The following PTDSS1 variants were observed in gnomAD, a reference collection of about 807,000 sequenced individuals.
PTDSS1 encodes phosphatidylserine synthase 1, also known as PSS-1.
A neutral mutation model predicts 70.5 loss-of-function variants in PTDSS1; 45 were observed. That is an observed-to-expected ratio of 0.64 (90% CI 0.50 to 0.82). The LOEUF (loss-of-function observed/expected upper bound fraction) is 0.82, where lower values mean the gene tolerates loss of function less well. PTDSS1 is among the 40% of genes least tolerant of loss of function. The pLI is 0.00. For missense variants in PTDSS1, 417 were observed against 586.1 expected (o/e 0.71, Z 2.98); for synonymous variants, 188 against 203.8 (o/e 0.92, Z 0.66).
At chr8:96,278,972 C>CTT (rs36085094) in intron 2 of PTDSS1, among the ~76,000 whole-genome samples, 1,960 of 122,608 alleles carry the variant, frequency 0.016, 57 homozygotes, top group African/African-American at 0.019. Context: ...TTCAGCCCCC[C>CTT]TTTTTTTTTT....
rs1811495487 is a variant in PTDSS1 at position 96,330,268 on chromosome 8, G to A, written c.1229G>A (p.Gly410Asp). The A allele has an allele frequency of 1.9e-6, 3 of 1,611,078 alleles. No homozygotes were observed. Among genetic ancestry groups the A allele is most frequent in the Non-Finnish European group, 2.5e-6 (3 of 1,178,086 alleles). ...YGMIWYAEHYGHREKTYSECE... is the reference protein window; with the variant it reads ...YGMIWYAEHYDHREKTYSECE... ...ATGATTTGGTATGCAGAACACTATG[G>A]TCACCGAGAAAAGGTATGGAAGGAG... Residue 410 changes from glycine (G) to aspartate (D), a missense_variant, in exon 11 of 13, where the codon GGT becomes GAT. Gly to Asp is a moderately conservative substitution (Grantham distance 94, BLOSUM62 -1). Transcript: ENST00000517309.
chr8:96,271,975 C>T (rs1810573326), intron 1 of PTDSS1, among the ~76,000 whole-genome samples: 1 of 152,324 alleles, frequency 6.6e-6, no homozygotes, highest in Middle Eastern at 3.4e-3. Context: ...ACAAACTCTT[C>T]ATATGCTTTG....
At chr8:96,284,952 G>A (rs1319142135) in intron 3 of PTDSS1, among the ~76,000 whole-genome samples, 2 of 152,230 alleles carry the variant, frequency 1.3e-5, no homozygotes, top group African/African-American at 4.8e-5. Context: ...TGTGACAGAT[G>A]CTGCTCTGTG....
chr8:96,272,872 A>T (rs539170744), intron 1 of PTDSS1, among the ~76,000 whole-genome samples: 1 of 152,280 alleles, frequency 6.6e-6, no homozygotes, highest in Admixed American at 6.5e-5. Flanking sequence ...CTTAAGTAAA[A>T]ACTGGTGTTC....
At chr8:96,271,320 T>A (rs1187100605) in intron 1 of PTDSS1, among the ~76,000 whole-genome samples, 1 of 152,244 alleles carries the variant, frequency 6.6e-6, no homozygotes, top group Non-Finnish European at 1.5e-5. Context: ...CAATTTGCTT[T>A]ATTTACTTAA....
chr8:96,295,207 G>T lies in PTDSS1; in HGVS notation c.551G>T (p.Arg184Leu). ...WGWAMKALLI[R>L]SYGLCWTISI... The stretch of plus-strand genomic sequence containing the variant: ...TGGGCCATGAAGGCCTTGCTGATCC[G>T]TAGTTACGGTCTCTGCTGGACAATC... The change falls in exon 5 of 13, where the codon CGT becomes CTT. Residue 184 changes from arginine to leucine, a missense_variant. Arg to Leu is a moderately radical substitution (Grantham distance 102). This residue lies in a region of PTDSS1 where 272 missense variants were observed against 429.5 expected (regional missense o/e 0.63). Transcript: ENST00000517309. 6.2e-7 allele frequency: 1 copy of T among 1,614,128 alleles called. No individual in the cohort carries two copies. Among genetic ancestry groups the T allele is most frequent in the African/African-American group, 1.3e-5 (1 of 75,038 alleles).
At chr8:96,298,185 G>C (rs1051140973) in intron 5 of PTDSS1, among the ~76,000 whole-genome samples, 1 of 152,156 alleles carries the variant, frequency 6.6e-6, no homozygotes, top group African/African-American at 2.4e-5. Context: ...GGCCCCTGGG[G>C]TTAAGAATGC....
chr8:96,329,468 A>G (rs1563587166), intron 10 of PTDSS1, among the ~76,000 whole-genome samples: 1 of 152,046 alleles, frequency 6.6e-6, no homozygotes, highest in Non-Finnish European at 1.5e-5. Context: ...GAAACTTTGG[A>G]TTCTTGTCTG....
chr8:96,287,228 T>C, intron 4 of PTDSS1, 82 bp downstream of exon 4: 1 of 1,526,458 alleles, frequency 6.6e-7, no homozygotes, highest in Non-Finnish European at 8.9e-7. Flanking sequence ...ACATTTTAAA[T>C]TGTTCCTTCT....
intron 12 of PTDSS1, among the ~76,000 whole-genome samples, chr8:96,331,583 AAAAAG>A (rs1246611214): frequency 1.3e-4 from 20 of 152,118 alleles, no homozygotes; most frequent in Admixed American, 3.9e-4. Flanking sequence ...TCAAAAAAAA[AAAAAG>A]AAAAGAAAAG....
At chr8:96,298,194 G>A (rs1811002322) in intron 5 of PTDSS1, among the ~76,000 whole-genome samples, 1 of 152,170 alleles carries the variant, frequency 6.6e-6, no homozygotes, top group African/African-American at 2.4e-5. Flanking sequence ...GGTTAAGAAT[G>A]CAGCCACAAG....
intron 2 of PTDSS1, 118 bp downstream of exon 2, chr8:96,273,508 G>T (rs1810596611): frequency 1.3e-6 from 1 of 764,346 alleles, no homozygotes; most frequent in South Asian, 1.9e-5. Flanking sequence ...GTAGTGGTTA[G>T]GGGCACAGGC....
At chr8:96,264,915 A>G (rs1810465376) in intron 1 of PTDSS1, among the ~76,000 whole-genome samples, 1 of 152,344 alleles carries the variant, frequency 6.6e-6, no homozygotes, top group East Asian at 1.9e-4. Context: ...AGAGACAGAA[A>G]TCACATAATG....
chr8:96,310,807 C>T (rs1241731479), intron 9 of PTDSS1, among the ~76,000 whole-genome samples: 1 of 151,846 alleles, frequency 6.6e-6, no homozygotes, highest in Non-Finnish European at 1.5e-5. Flanking sequence ...TGTTCTGTCG[C>T]CAGGCTGGAG....
chr8:96,280,036 A>G (rs1563564777), intron 2 of PTDSS1, among the ~76,000 whole-genome samples: 1 of 152,178 alleles, frequency 6.6e-6, no homozygotes, highest in Non-Finnish European at 1.5e-5. Context: ...GATTTTTATT[A>G]AAATACTTTT....
chr8:96,274,826 G>T (rs1039702620), intron 2 of PTDSS1, among the ~76,000 whole-genome samples: 10 of 152,156 alleles, frequency 6.6e-5, no homozygotes, highest in Non-Finnish European at 1.2e-4. Context: ...GAACGTAGTG[G>T]TTTTAGTATG....
chr8:96,326,912 G>A (rs1318549759), intron 10 of PTDSS1, among the ~76,000 whole-genome samples: 9 of 152,202 alleles, frequency 5.9e-5, no homozygotes, highest in African/African-American at 2.2e-4. Context: ...TTTAAGGAAT[G>A]TGCTCAACAG....
At chr8:96,310,048 G>A (rs888801035) in intron 9 of PTDSS1, among the ~76,000 whole-genome samples, 2 of 151,868 alleles carry the variant, frequency 1.3e-5, no homozygotes, top group South Asian at 2.1e-4. Flanking sequence ...AGAATCGCTT[G>A]AACCCGGGAG....
chr8:96,297,363 A>G (rs1344390128), intron 5 of PTDSS1, among the ~76,000 whole-genome samples: 1 of 152,082 alleles, frequency 6.6e-6, no homozygotes, highest in Non-Finnish European at 1.5e-5. Flanking sequence ...TTTTTAGTAG[A>G]GATGGGGTTT....
Sources: gnomAD v4.1 joint callset for allele counts (sites outside exome capture counted in the v4.1 genomes callset) on GRCh38, gnomAD v4.1.1 for gene constraint, gnomAD v4.1.1 regional missense constraint, MANE v1.5 for transcripts, NCBI Gene and HGNC (gene_info 2026-07-23, HGNC 2026-07-21) for gene names.